GLB1L3: variants seen among roughly 807,000 people sequenced by gnomAD.
GLB1L3 encodes beta-galactosidase-1-like protein 3.
A neutral mutation model predicts 89.5 loss-of-function variants in GLB1L3; 89 were observed. The observed-to-expected ratio is 0.99, with a 90% CI of 0.84 to 1.19. The LOEUF is 1.19. Among genes scored for constraint, GLB1L3 ranks in the 50% most tolerant of loss-of-function variants. The pLI, the probability that GLB1L3 is intolerant of heterozygous loss-of-function variation, is 0.00. For synonymous variants in GLB1L3, 314 were observed against 312.3 expected, an observed-to-expected ratio of 1.01 and a Z score of -0.06; for missense variants, 812 against 813.3, an observed-to-expected ratio of 1.00 and a Z score of 0.02.
At chr11:134,303,455 A>T (rs879900494) in intron 9 of GLB1L3, among the ~76,000 whole-genome samples, 1 of 152,166 alleles carries the variant, frequency 6.6e-6, no homozygotes, top group Admixed American at 6.5e-5. Context: ...TCGACTATTT[A>T]AAAAAATCAA....
At chr11:134,292,642 A>G (rs1941416914) in intron 8 of GLB1L3, 1 of 220,274 alleles carries the variant, frequency 4.5e-6, no homozygotes. Context: ...CCTACCGCCC[A>G]AGGCTCTGTG....
chr11:134,319,724 A>G (rs201698546), downstream of GLB1L3, among the ~76,000 whole-genome samples: 68 of 128,248 alleles, frequency 5.3e-4, 2 homozygotes, highest in African/African-American at 1.5e-3. Context: ...CTCTCTGTGT[A>G]TGTGTGTGTG....
rs560839668 is a variant in GLB1L3, at chr11:134,314,254, C to T, written c.1668-76C>T. On this transcript the variant is annotated intron_variant, in intron 17 of 19. Transcript: ENST00000431683. ...GAAACAGAACCTTAGGCTCGGCCCACGCCACCTGGGGTGGGTACTGGGAAC... is the reference window on the plus strand; with the variant it reads ...GAAACAGAACCTTAGGCTCGGCCCATGCCACCTGGGGTGGGTACTGGGAAC... 4.4e-5 allele frequency: 45 copies of T among 1,017,820 alleles called. No homozygotes were observed. The African/African-American group carries it at 4.6e-4, about 10-fold the overall frequency. 63.0% of individuals were successfully genotyped at this position (1,017,820 alleles called of 1,614,324 possible).
At chr11:134,292,970 G>A (rs771640380) in intron 8 of GLB1L3, 175 bp from the exon 9 acceptor site, 62 of 650,272 alleles carry the variant, frequency 9.5e-5, no homozygotes, top group Non-Finnish European at 1.5e-4. Flanking sequence ...CAGGGATGTG[G>A]CGATGGCCGT....
intron 10 of GLB1L3, 28 bp from the exon 11 acceptor site, chr11:134,309,598 C>G: frequency 6.5e-7 from 1 of 1,536,152 alleles, no homozygotes; most frequent in Non-Finnish European, 8.8e-7. Flanking sequence ...TTCTAACATT[C>G]TCTGTGTTCT....
rs1940373319 is a variant in GLB1L3 at position 134,276,426 on chromosome 11, G to T, written c.-315G>T. ...GACCCAGGTTAGGAAGCCCGAGGTCGGGGCGTTACCCCAAGGGCCCTCCCG... is the reference window on the plus strand; with the variant it reads ...GACCCAGGTTAGGAAGCCCGAGGTCTGGGCGTTACCCCAAGGGCCCTCCCG... On this transcript the variant is annotated 5_prime_UTR_variant, in exon 1 of 20. Transcript: ENST00000431683. 3.3e-6 allele frequency: 1 copy of T among 306,504 alleles called. No individual in the cohort carries two copies. Among genetic ancestry groups the T allele is most frequent in the South Asian group, 1.6e-4 (1 of 6,340 alleles). The allele number at this position is 306,504 out of a possible 1,614,324, so 19.0% of individuals were successfully genotyped here. A position where few individuals can be genotyped will look rare whatever the true frequency, so the allele number is the denominator to read the frequency against.
chr11:134,276,852 A>C, intron 1 of GLB1L3, 89 bp downstream of exon 1: 136 of 1,121,840 alleles, frequency 1.2e-4, no homozygotes, highest in Middle Eastern at 6.7e-4. Flanking sequence ...GTGGCCGGCC[A>C]CGCGCCCCAG....
At chr11:134,285,390 A>T (rs1405508594) in intron 6 of GLB1L3, among the ~76,000 whole-genome samples, 1 of 152,192 alleles carries the variant, frequency 6.6e-6, no homozygotes, top group East Asian at 1.9e-4. Context: ...TAATTTTTTT[A>T]AATTTAAACA....
Position 134,313,522 on chromosome 11 carries a change from C to T in GLB1L3, c.1579+48C>T, listed in dbSNP as rs776931428. The T allele has an allele frequency of 4.7e-5, 46 of 971,160 alleles. No individual in the cohort carries two copies. The Admixed American group carries it at 5.2e-4, about 11-fold the overall frequency. 60.2% of individuals were successfully genotyped at this position (971,160 alleles called of 1,614,324 possible). On this transcript the variant is annotated intron_variant, in intron 16 of 19. Coordinates refer to ENST00000431683, the MANE Select transcript of GLB1L3 (RefSeq NM_001080407.3). ...CCTCAGTTGCTCAGAACCGAAGACC[C>T]GGGCTATGCACTGGAGTCGGGGGCG...
intron 7 of GLB1L3, among the ~76,000 whole-genome samples, chr11:134,289,450 C>T (rs942078585): frequency 1.3e-5 from 2 of 152,188 alleles, no homozygotes; most frequent in South Asian, 2.1e-4. Flanking sequence ...TAAGTGGATC[C>T]GCACGGTTCA....
chr11:134,283,853 C>T lies in GLB1L3; in HGVS notation c.636+8C>T. On this transcript the variant is annotated splice_region_variant and intron_variant, in intron 6 of 19. Transcript: ENST00000431683. ...AGAGTGATTCCTCTCCAGGTAAAGCCAAATTGTCCCCTGCATCTTTCTTAC... is the reference window on the plus strand; with the variant it reads ...AGAGTGATTCCTCTCCAGGTAAAGCTAAATTGTCCCCTGCATCTTTCTTAC... The T allele has an allele frequency of 6.6e-7, 1 of 1,508,618 alleles. No individual in the cohort carries two copies. Among genetic ancestry groups the T allele is most frequent in the Non-Finnish European group, 9.2e-7 (1 of 1,085,922 alleles). 93.5% of individuals were successfully genotyped at this position (1,508,618 alleles called of 1,614,324 possible).
At position 134,312,453 on chromosome 11, in the gene GLB1L3, A is replaced by T. The variant is rs371447227; in HGVS notation, c.1392A>T (p.Gly464=). 21 of 1,613,176 alleles carry T rather than the reference A, an allele frequency of 1.3e-5. No individual in the cohort carries two copies. The Admixed American group carries it at 1.7e-4, about 13-fold the overall frequency. ...LVLYEKSICS[G]GRLRAHAHDV... Reference sequence around the variant, plus strand: ...TGTATGAGAAGTCCATCTGCTCCGGAGGCCGCCTCCGTGCCCACGCTCATG... The same window carrying T: ...TGTATGAGAAGTCCATCTGCTCCGGTGGCCGCCTCCGTGCCCACGCTCATG... The change falls in exon 14 of 20, where the codon GGA becomes GGT. Residue 464 remains glycine, a synonymous_variant. Coordinates refer to ENST00000431683, the MANE Select transcript of GLB1L3 (RefSeq NM_001080407.3).
At chr11:134,276,846 C>T in intron 1 of GLB1L3, 83 bp downstream of exon 1, 1 of 1,202,556 alleles carries the variant, frequency 8.3e-7, no homozygotes. Context: ...GGTTCTGTGG[C>T]CGGCCACGCG....
chr11:134,286,645 C>G (rs1020901234), intron 6 of GLB1L3, among the ~76,000 whole-genome samples: 2 of 150,950 alleles, frequency 1.3e-5, no homozygotes, highest in Admixed American at 1.3e-4. Flanking sequence ...GGCGTGGTGG[C>G]GGGCGCCTGT....
rs1284778999 is a variant in GLB1L3, at chr11:134,308,541, CCAT to C, written c.962-1082_962-1080del. Among the ~76,000 whole-genome samples the C allele has an allele frequency of 2.3e-4, 8 of 34,044 alleles. 1 individual carries two copies. Among genetic ancestry groups the C allele is most frequent in the Non-Finnish European group, 5.8e-4 (7 of 12,096 alleles). The allele number at this position is 34,044 out of a possible 152,430, so 22.3% of individuals were successfully genotyped here. On this transcript the variant is annotated intron_variant, in intron 10 of 19. Transcript: ENST00000431683. ...ACCATGTCCACCACCACTACCACCACCATCACCATCACCATCACCACCACCACC... is the reference window on the plus strand; with the variant it reads ...ACCATGTCCACCACCACTACCACCACCACCATCACCATCACCACCACCACC...
chr11:134,313,536 G>T, intron 16 of GLB1L3, 62 bp downstream of exon 16: 1 of 1,246,340 alleles, frequency 8.0e-7, no homozygotes, highest in African/African-American at 1.5e-5. Flanking sequence ...CTATGCACTG[G>T]AGTCGGGGGC....
Position 134,277,207 on chromosome 11 carries a change from T to C in GLB1L3, c.24-119T>C, listed in dbSNP as rs1331048059. ...TGGGCCCGCCTGGAAGACCCGCCTG[T>C]GTCGCGGGCCCCCTCCCTGGCTCTG... On this transcript the variant is annotated intron_variant, in intron 1 of 19. Coordinates refer to ENST00000431683, the MANE Select transcript of GLB1L3 (RefSeq NM_001080407.3). 4 of 1,301,344 alleles carry C rather than the reference T, an allele frequency of 3.1e-6. No homozygotes were observed. The East Asian group carries it at 9.3e-5, about 30-fold the overall frequency. 80.6% of individuals were successfully genotyped at this position (1,301,344 alleles called of 1,614,324 possible).
In GLB1L3 at chr11:134,312,464, G is replaced by C. The variant is rs572746894; in HGVS notation, c.1403G>C (p.Arg468Pro). Residue 468 changes from arginine (R) to proline (P), a missense_variant, in exon 14 of 20, where the codon CGT (arginine) becomes CCT (proline). Arg to Pro is a moderately radical substitution (Grantham distance 103, BLOSUM62 -2). This residue lies in a region of GLB1L3 where 618 missense variants were observed against 604.0 expected (regional missense o/e 1.02). Coordinates refer to ENST00000431683, the MANE Select transcript of GLB1L3 (RefSeq NM_001080407.3). ...EKSICSGGRLRAHAHDVAQVF... is the reference protein window; with the variant it reads ...EKSICSGGRLPAHAHDVAQVF... Reference sequence around the variant, plus strand: ...TCCATCTGCTCCGGAGGCCGCCTCCGTGCCCACGCTCATGACGTGGCACAG... The same window carrying C: ...TCCATCTGCTCCGGAGGCCGCCTCCCTGCCCACGCTCATGACGTGGCACAG... 1 of 1,612,812 alleles carries C rather than the reference G, an allele frequency of 6.2e-7. No individual in the cohort carries two copies. Among genetic ancestry groups the C allele is most frequent in the Admixed American group, 1.7e-5 (1 of 60,004 alleles).
In GLB1L3 at chr11:134,283,663, G is replaced by A. The variant is rs544198470; in HGVS notation, c.528-74G>A. 16 of 789,110 alleles carry A rather than the reference G, an allele frequency of 2.0e-5. No homozygotes were observed. The East Asian group carries it at 4.0e-4, about 20-fold the overall frequency. 48.9% of individuals were successfully genotyped at this position (789,110 alleles called of 1,614,324 possible). A position where few individuals can be genotyped will look rare whatever the true frequency, so the allele number is the denominator to read the frequency against. On this transcript the variant is annotated intron_variant, in intron 5 of 19. Transcript: ENST00000431683. Reference sequence around the variant, plus strand: ...GCTGGGCAGATGTGCGGCGAGCCGGGGCAGCTCTGAGCCCACTCCTGCTTC... The same window carrying A: ...GCTGGGCAGATGTGCGGCGAGCCGGAGCAGCTCTGAGCCCACTCCTGCTTC...
Sources: allele counts gnomAD v4.1 joint callset (sites outside exome capture counted in the v4.1 genomes callset), GRCh38; gene constraint gnomAD v4.1.1; regional missense constraint gnomAD v4.1.1; transcripts MANE v1.5; gene names NCBI Gene and HGNC (gene_info 2026-07-23, HGNC 2026-07-21).